The following FGD1 variants were observed in gnomAD, a reference collection of about 807,000 sequenced individuals.
FGD1 encodes the protein FYVE, RhoGEF and PH domain-containing protein 1.
FGD1 carries 12 observed loss-of-function variants against 65.0 expected under a neutral mutation model. The ratio of observed to expected loss-of-function variants is 0.18; its 90% CI spans 0.12 to 0.30. FGD1 has a LOEUF of 0.30. Ranked by LOEUF, FGD1 falls within the 10% of genes least tolerant of loss-of-function variation. The pLI is 1.00. For synonymous variants in FGD1, 333 were observed against 343.9 expected, an observed-to-expected ratio of 0.97 and a Z score of 0.35; for missense variants, 542 against 837.6, an observed-to-expected ratio of 0.65 and a Z score of 4.36.
intron 1 of FGD1, 122 bp downstream of exon 1, chrX:54,495,004 C>T: frequency 1.3e-6 from 1 of 763,845 alleles, no homozygotes; most frequent in Non-Finnish European, 1.9e-6. Flanking sequence ...TTGAGGGAAC[C>T]CAAAGGGCCG....
chrX:54,454,220 G>A (rs951171124), intron 12 of FGD1, among the ~76,000 whole-genome samples: 1 of 111,703 alleles, frequency 9.0e-6, no homozygotes, highest in Non-Finnish European at 1.9e-5. Context: ...TCTAGCCTAC[G>A]ACACACCTAG....
chrX:54,448,416 C>T (rs759264039), intron 16 of FGD1, among the ~76,000 whole-genome samples: 1 of 111,106 alleles, frequency 9.0e-6, no homozygotes, highest in East Asian at 2.8e-4. Context: ...GAACTCCCGA[C>T]CTCCGGTGAT....
At chrX:54,461,143 T>C (rs1196562239) in intron 8 of FGD1, among the ~76,000 whole-genome samples, 2 of 111,408 alleles carry the variant, frequency 1.8e-5, no homozygotes, top group East Asian at 5.6e-4. Context: ...GGATGTTACG[T>C]TGGGGATCCA....
At chrX:54,474,292 C>T (rs772810724) in intron 1 of FGD1, among the ~76,000 whole-genome samples, 1 of 112,500 alleles carries the variant, frequency 8.9e-6, no homozygotes, top group Non-Finnish European at 1.9e-5. Context: ...TCTGCAGCCT[C>T]CCTTCCAGGG....
At position 54,445,680 on chromosome X, in the gene FGD1, C is replaced by T. The variant is rs1406515023; in HGVS notation, c.*429G>A. 1.5e-5 allele frequency: 2 copies of T among 133,280 alleles called. No homozygotes were observed. Among genetic ancestry groups the T allele is most frequent in the South Asian group, 2.7e-4 (1 of 3,756 alleles). 11.0% of individuals were successfully genotyped at this position (133,280 alleles called of 1,213,427 possible). ...AGTTGCCACCCCACGTGGAGTTGTA[C>T]GTGTGAAGACACTGGCTGAGGAGGC... On this transcript the variant is annotated 3_prime_UTR_variant, in exon 18 of 18. Transcript: ENST00000375135.
intron 8 of FGD1, among the ~76,000 whole-genome samples, chrX:54,464,427 C>A (rs1922715658): frequency 9.0e-6 from 1 of 111,701 alleles, no homozygotes; most frequent in Admixed American, 9.6e-5. Flanking sequence ...GCCACTGCGC[C>A]CGGCCTCTAC....
chrX:54,471,209 C>T, intron 2 of FGD1, 105 bp downstream of exon 2: 1 of 923,983 alleles, frequency 1.1e-6, no homozygotes, highest in Non-Finnish European at 1.5e-6. Flanking sequence ...AGCATGGTGG[C>T]TCCCTATCCT....
chrX:54,456,132 G>GTA (rs1244817379), intron 10 of FGD1, 88 bp downstream of exon 10: 1 of 1,024,715 alleles, frequency 9.8e-7, no homozygotes, highest in East Asian at 3.1e-5. Context: ...ATGAAAGGAG[G>GTA]TATAGTCTTT....
chrX:54,449,057 C>T (rs1922313272), intron 15 of FGD1, 86 bp downstream of exon 15: 23 of 1,202,318 alleles, frequency 1.9e-5, no homozygotes, highest in South Asian at 1.6e-4. Flanking sequence ...GGCCTCCCCC[C>T]ACTTGGAGGG....
intron 13 of FGD1, 30 bp downstream of exon 13, chrX:54,450,241 A>G (rs1161940645): frequency 8.4e-7 from 1 of 1,194,267 alleles, no homozygotes; most frequent in South Asian, 1.8e-5. Flanking sequence ...ATACTCTTCT[A>G]GCCCCCTACC....
chrX:54,454,213 A>C (rs911933665), intron 12 of FGD1, among the ~76,000 whole-genome samples: 3 of 112,065 alleles, frequency 2.7e-5, no homozygotes, highest in Non-Finnish European at 5.6e-5. Flanking sequence ...TAGATGGTCT[A>C]GCCTACGACA....
chrX:54,476,737 C>A (rs1013640226), intron 1 of FGD1, among the ~76,000 whole-genome samples: 9 of 111,092 alleles, frequency 8.1e-5, no homozygotes, highest in African/African-American at 2.3e-4. Context: ...CCTCCACCAG[C>A]ACTGCCCCTT....
Position 54,450,219 on chromosome X carries a change from G to A in FGD1, c.2046+52C>T, listed in dbSNP as rs1922345564. 3 of 1,123,974 alleles carry A rather than the reference G, an allele frequency of 2.7e-6. No individual in the cohort carries two copies. The South Asian group carries it at 5.4e-5, about 20-fold the overall frequency. 92.6% of individuals were successfully genotyped at this position (1,123,974 alleles called of 1,213,427 possible). A position where few individuals can be genotyped will look rare whatever the true frequency, so the allele number is the denominator to read the frequency against. Reference sequence around the variant, plus strand: ...TTGAGGGAGAATCTATCAACCCCTAGGAGACCTGTTAATACTCTTCTAGCC... The same window carrying A: ...TTGAGGGAGAATCTATCAACCCCTAAGAGACCTGTTAATACTCTTCTAGCC... On this transcript the variant is annotated intron_variant, in intron 13 of 17. Transcript: ENST00000375135.
At chrX:54,448,716 TC>T in intron 16 of FGD1, 89 bp downstream of exon 16, 3 of 980,109 alleles carry the variant, frequency 3.1e-6, no homozygotes, top group Non-Finnish European at 4.3e-6. Flanking sequence ...CACTACTGTT[TC>T]CCAAATACTC....
chrX:54,482,236 G>GCGCGCACACACACACACACACACACA (rs796491256), intron 1 of FGD1, among the ~76,000 whole-genome samples: 1 of 99,367 alleles, frequency 1.0e-5, no homozygotes, highest in Admixed American at 1.1e-4. Flanking sequence ...GCACACGCGC[G>GCGCGCACACACACACACACACACACA]CACACACACA....
At position 54,495,320 on chromosome X, in the gene FGD1, G is replaced by C. The variant is rs1923507926; in HGVS notation, c.113C>G (p.Ser38Trp). 1 of 1,168,538 alleles carries C rather than the reference G, an allele frequency of 8.6e-7. No homozygotes were observed. Among genetic ancestry groups the C allele is most frequent in the African/African-American group, 1.8e-5 (1 of 56,005 alleles). Residue 38 changes from serine (S) to tryptophan (W), a missense_variant, in exon 1 of 18, where the codon TCG (serine) becomes TGG (tryptophan). This residue lies in a region of FGD1 where 297 missense variants were observed against 326.8 expected (regional missense o/e 0.91). Transcript: ENST00000375135. ...PACADSDPGASEPGLLARRGS... is the reference protein window; with the variant it reads ...PACADSDPGAWEPGLLARRGS... ...CCTGCGCGCCAGCAGTCCGGGTTCC[G>C]AGGCTCCAGGGTCCGAGTCGGCACA...
intron 17 of FGD1, 53 bp from the exon 18 acceptor site, chrX:54,446,467 C>T (rs1204303751): frequency 3.6e-6 from 4 of 1,111,929 alleles, no homozygotes; most frequent in Non-Finnish European, 2.4e-6. Flanking sequence ...ACCTTTCCCC[C>T]GCCCCAGCTT....
intron 8 of FGD1, 68 bp downstream of exon 8, chrX:54,465,383 G>A: frequency 9.0e-7 from 1 of 1,109,220 alleles, no homozygotes. Context: ...TTGGGGTCCT[G>A]CCTCAGAGGT....
intron 16 of FGD1, among the ~76,000 whole-genome samples, chrX:54,447,728 A>G (rs1020922585): frequency 1.1e-4 from 12 of 112,363 alleles, no homozygotes; most frequent in East Asian, 2.8e-4. Context: ...CTTCAGTCAG[A>G]GCATTCATTC....
Sources: gnomAD v4.1 joint callset for allele counts (sites outside exome capture counted in the v4.1 genomes callset) on GRCh38, gnomAD v4.1.1 for gene constraint, gnomAD v4.1.1 regional missense constraint, MANE v1.5 for transcripts, NCBI Gene and HGNC (gene_info 2026-07-23, HGNC 2026-07-21) for gene names.